Variants in BMX observed in about 807,000 individuals in gnomAD.
The protein encoded by BMX is BMX non-receptor tyrosine kinase.
BMX carries 31 observed loss-of-function variants against 59.2 expected under a neutral mutation model. The observed-to-expected ratio is 0.52, with a 90% CI of 0.39 to 0.71. BMX has a LOEUF of 0.71. Ranked by LOEUF, BMX falls within the 30% of genes least tolerant of loss-of-function variation. The pLI, the probability that BMX is intolerant of heterozygous loss-of-function variation, is 0.00. For synonymous variants in BMX, 185 were observed against 181.0 expected (o/e 1.02, Z -0.18); for missense variants, 474 against 491.7 (o/e 0.96, Z 0.34).
At chrX:15,522,765 A>G (rs1032081341) in intron 7 of BMX, among the ~76,000 whole-genome samples, 178 bp downstream of exon 7, 1 of 111,916 alleles carries the variant, frequency 8.9e-6, no homozygotes, top group Admixed American at 9.4e-5. Flanking sequence ...AGAAGCATAG[A>G]TTTTCCATTT....
At chrX:15,544,143 G>A (rs1466322792) in intron 16 of BMX, among the ~76,000 whole-genome samples, 3 of 111,443 alleles carry the variant, frequency 2.7e-5, no homozygotes, top group Admixed American at 9.5e-5. Context: ...GATCTGAAGA[G>A]TTGACCAAGG....
At chrX:15,511,846 T>C (rs914396883) in intron 4 of BMX, among the ~76,000 whole-genome samples, 1 of 112,103 alleles carries the variant, frequency 8.9e-6, no homozygotes, top group African/African-American at 3.2e-5. Flanking sequence ...TAGGTCATCA[T>C]GGGGCTATGT....
At chrX:15,544,280 G>A (rs1925842337) in intron 16 of BMX, among the ~76,000 whole-genome samples, 1 of 110,479 alleles carries the variant, frequency 9.1e-6, no homozygotes, top group African/African-American at 3.3e-5. Flanking sequence ...TGGAAGCTAT[G>A]GTAATTCCTC....
chrX:15,536,383 C>T lies in BMX; in HGVS notation c.1178C>T (p.Ser393Leu). 5.8e-6 allele frequency: 7 copies of T among 1,208,434 alleles called. No homozygotes were observed. The highest frequency in any genetic ancestry group is 7.8e-6 in the Non-Finnish European group (7 of 893,990). Residue 393 changes from serine to leucine, a missense_variant, in exon 13 of 19, where the codon TCA becomes TTA. Coordinates refer to ENST00000348343, the MANE Select transcript of BMX (RefSeq NM_203281.3). ...GMITRLRHPV[S>L]TKANKVPDSV... ...ATCACACGGCTCCGCCACCCTGTGT[C>T]AACAAAGGCCAACAAGGTCCCCGAC...
At chrX:15,510,412 A>G (rs1166369035) in intron 3 of BMX, among the ~76,000 whole-genome samples, 4 of 111,841 alleles carry the variant, frequency 3.6e-5, no homozygotes, top group Non-Finnish European at 5.6e-5. Flanking sequence ...ACAGTGGTTC[A>G]TGACTGTAAT....
intron 11 of BMX, among the ~76,000 whole-genome samples, chrX:15,531,708 G>A (rs941853113): frequency 1.8e-5 from 2 of 110,910 alleles, no homozygotes; most frequent in African/African-American, 6.6e-5. Flanking sequence ...AGAGACTCTC[G>A]GGTGATTCCC....
intron 8 of BMX, 43 bp downstream of exon 8, chrX:15,525,408 C>T: frequency 8.9e-7 from 1 of 1,122,415 alleles, no homozygotes; most frequent in African/African-American, 1.8e-5. Flanking sequence ...AATATGCTTC[C>T]ATTTTCAGGA....
chrX:15,546,929 T>C lies in BMX; in HGVS notation c.1795+8T>C, dbSNP rs1475198727. 1 of 1,173,425 alleles carries C rather than the reference T, an allele frequency of 8.5e-7. No individual in the cohort carries two copies. Reference sequence around the variant, plus strand: ...CAGACGTATGGGCATTTGGTAAGGATGTGGCCACATACGACCTGGCCCTGT... The same window carrying C: ...CAGACGTATGGGCATTTGGTAAGGACGTGGCCACATACGACCTGGCCCTGT... On this transcript the variant is annotated splice_region_variant and intron_variant, in intron 17 of 18. Transcript: ENST00000348343.
intron 14 of BMX, among the ~76,000 whole-genome samples, chrX:15,538,061 T>C (rs1332565330): frequency 3.6e-5 from 4 of 110,916 alleles, no homozygotes; most frequent in African/African-American, 1.3e-4. Flanking sequence ...CTCTTCCTAA[T>C]GTGTCTCAGC....
At chrX:15,536,073 G>T (rs927074625) in intron 12 of BMX, among the ~76,000 whole-genome samples, 46 of 112,152 alleles carry the variant, frequency 4.1e-4, no homozygotes, top group Admixed American at 1.1e-3. Context: ...TAGCAAAAAA[G>T]AAGGGGGAGA....
At chrX:15,516,015 G>A (rs1415630782) in intron 4 of BMX, 97 bp from the exon 5 acceptor site, 1 of 1,104,147 alleles carries the variant, frequency 9.1e-7, no homozygotes, top group African/African-American at 1.8e-5. Flanking sequence ...TGGCCAAATG[G>A]GGTTTTTATT....
intron 16 of BMX, among the ~76,000 whole-genome samples, chrX:15,544,861 A>G (rs1227033643): frequency 1.8e-5 from 2 of 111,139 alleles, no homozygotes; most frequent in Non-Finnish European, 1.9e-5. Flanking sequence ...TATTAATATT[A>G]TTGTTAATAT....
At chrX:15,531,279 G>A in intron 10 of BMX, 49 bp from the exon 11 acceptor site, 1 of 1,058,356 alleles carries the variant, frequency 9.4e-7, no homozygotes, top group Non-Finnish European at 1.3e-6. Flanking sequence ...TCATTTTCAA[G>A]AATGATGAAA....
chrX:15,549,812 A>G (rs1342797487), intron 17 of BMX, 28 bp from the exon 18 acceptor site: 3 of 1,179,851 alleles, frequency 2.5e-6, no homozygotes, highest in Non-Finnish European at 3.4e-6. Flanking sequence ...TTCCTTTTTT[A>G]TCTGGGCCAC....
intron 3 of BMX, among the ~76,000 whole-genome samples, chrX:15,510,541 C>A (rs1299104325): frequency 9.0e-6 from 1 of 110,858 alleles, no homozygotes; most frequent in East Asian, 2.8e-4. Flanking sequence ...AAAAAAATTA[C>A]CCAATTGGGG....
At chrX:15,506,040 C>T (rs1923728370) in intron 1 of BMX, among the ~76,000 whole-genome samples, 1 of 110,828 alleles carries the variant, frequency 9.0e-6, no homozygotes, top group South Asian at 3.9e-4. Context: ...CAGGTGCATG[C>T]CACCATGTCT....
At chrX:15,502,906 T>C (rs1392307301) in intron 1 of BMX, among the ~76,000 whole-genome samples, 2 of 111,421 alleles carry the variant, frequency 1.8e-5, no homozygotes, top group Non-Finnish European at 1.9e-5. Context: ...CCCACCCCAC[T>C]TGGAGCGTCT....
At chrX:15,516,574 T>C (rs1924166223) in intron 5 of BMX, among the ~76,000 whole-genome samples, 1 of 111,331 alleles carries the variant, frequency 9.0e-6, no homozygotes. Flanking sequence ...ATGTTAGATA[T>C]GTCATCATAG....
At chrX:15,503,051 A>C (rs946854909) in intron 1 of BMX, among the ~76,000 whole-genome samples, 1 of 111,955 alleles carries the variant, frequency 8.9e-6, no homozygotes, top group Non-Finnish European at 1.9e-5. Context: ...TCAAAGGGTA[A>C]GGAATTGCTA....
Sources: gnomAD v4.1 joint callset for allele counts (sites outside exome capture counted in the v4.1 genomes callset) on GRCh38, gnomAD v4.1.1 for gene constraint, MANE v1.5 for transcripts, NCBI Gene and HGNC (gene_info 2026-07-23, HGNC 2026-07-21) for gene names.